Variants in ARHGEF3 observed in about 807,000 individuals in gnomAD.
ARHGEF3 encodes Rho guanine nucleotide exchange factor 3, also known as 59.8 kDA protein.
ARHGEF3 carries 28 observed loss-of-function variants against 63.2 expected under a neutral mutation model. That is an observed-to-expected ratio of 0.44 (90% CI 0.33 to 0.61). The LOEUF is 0.61. Ranked by LOEUF, ARHGEF3 falls within the 20% of genes least tolerant of loss-of-function variation. ARHGEF3 has a pLI of 0.03. For synonymous variants in ARHGEF3, 266 were observed against 254.2 expected (o/e 1.05, Z -0.44); for missense variants, 533 against 659.3 (o/e 0.81, Z 2.10).
chr3:56,908,043 G>C (rs756124955), intron 3 of ARHGEF3, among the ~76,000 whole-genome samples: 8 of 152,250 alleles, frequency 5.3e-5, no homozygotes, highest in African/African-American at 1.9e-4. Flanking sequence ...AGTTATCATT[G>C]CTACAAAGAA....
intron 2 of ARHGEF3, among the ~76,000 whole-genome samples, chr3:56,966,848 T>TA (rs1022302442): frequency 7.0e-6 from 1 of 142,698 alleles, no homozygotes; most frequent in Non-Finnish European, 1.5e-5. Flanking sequence ...TTTTTTTTTT[T>TA]AATTATTATT....
At chr3:57,074,370 T>G in intron 1 of ARHGEF3, 1 of 979,180 alleles carries the variant, frequency 1.0e-6, no homozygotes, top group Non-Finnish European at 1.6e-6. Context: ...CAGGGGTGAC[T>G]CGTAGCCATC....
At chr3:57,061,880 GA>G (rs1705240351) in intron 1 of ARHGEF3, among the ~76,000 whole-genome samples, 1 of 152,192 alleles carries the variant, frequency 6.6e-6, no homozygotes, top group Non-Finnish European at 1.5e-5. Flanking sequence ...CTCCTTCTCA[GA>G]TGGCAGCATC....
At chr3:56,967,322 ATATATTATATATTG>A (rs1335800490) in intron 2 of ARHGEF3, among the ~76,000 whole-genome samples, 11 of 56,292 alleles carry the variant, frequency 2.0e-4, no homozygotes, top group South Asian at 1.7e-3. Flanking sequence ...ATTATATATT[ATATATTATATATTG>A]TACATATCAT....
At chr3:56,820,970 A>G (rs113285802) in intron 4 of ARHGEF3, among the ~76,000 whole-genome samples, 87 of 150,418 alleles carry the variant, frequency 5.8e-4, no homozygotes, top group African/African-American at 2.1e-3. Flanking sequence ...CCTGGGCAGC[A>G]TGGTGAAACT....
At chr3:56,823,832 C>A in intron 4 of ARHGEF3, among the ~76,000 whole-genome samples, 1 of 152,008 alleles carries the variant, frequency 6.6e-6, no homozygotes. Context: ...TGAGCCAAAC[C>A]ACATGACCAT....
At chr3:56,835,388 C>T (rs1559979486) in intron 4 of ARHGEF3, among the ~76,000 whole-genome samples, 1 of 152,040 alleles carries the variant, frequency 6.6e-6, no homozygotes, top group Admixed American at 6.6e-5. Context: ...GTTGGCCAAG[C>T]TGGTCTCGAA....
At chr3:56,869,455 G>A (rs1197379419) in intron 4 of ARHGEF3, among the ~76,000 whole-genome samples, 1 of 152,196 alleles carries the variant, frequency 6.6e-6, no homozygotes, top group Non-Finnish European at 1.5e-5. Context: ...CAAACCACGA[G>A]AATTCTCCTG....
chr3:56,826,023 T>A (rs768602215), intron 4 of ARHGEF3, among the ~76,000 whole-genome samples: 8 of 152,236 alleles, frequency 5.3e-5, no homozygotes, highest in Non-Finnish European at 8.8e-5. Context: ...AGGCTTGGGA[T>A]TTTTGCAAGA....
At chr3:56,931,342 G>A (rs143171455) in intron 3 of ARHGEF3, among the ~76,000 whole-genome samples, 2 of 151,994 alleles carry the variant, frequency 1.3e-5, no homozygotes, top group African/African-American at 2.4e-5. Flanking sequence ...TTGGGAGGCC[G>A]AGACAGGCAG....
chr3:56,957,412 T>C (rs192634746), intron 3 of ARHGEF3, among the ~76,000 whole-genome samples: 5 of 152,332 alleles, frequency 3.3e-5, no homozygotes, highest in Admixed American at 3.3e-4. Flanking sequence ...TGTGGATGGA[T>C]GCAAGAAAAG....
In ARHGEF3 at chr3:56,980,453, C is replaced by T. The variant is rs904118957; in HGVS notation, c.63-21564G>A. 3.9e-5 allele frequency among the ~76,000 whole-genome samples: 6 copies of T among 152,194 alleles called. No homozygotes were observed. The South Asian group carries it at 6.2e-4, about 16-fold the overall frequency. ...TTCTCCTGGATACGTGTCACTCTCA[C>T]ACCATCAGAAAGGCTAAAAACTGTA... On this transcript the variant is annotated intron_variant, in intron 2 of 12. Coordinates refer to the ARHGEF3 transcript ENST00000338458.
intron 1 of ARHGEF3, chr3:57,035,265 A>G (rs1703904601): frequency 1.5e-6 from 1 of 688,846 alleles, no homozygotes; most frequent in Admixed American, 3.4e-5. Context: ...TACAAGGGGA[A>G]TATATCAAGG....
intron 3 of ARHGEF3, among the ~76,000 whole-genome samples, chr3:56,914,173 A>G (rs1323230663): frequency 6.6e-6 from 1 of 152,254 alleles, no homozygotes; most frequent in Non-Finnish European, 1.5e-5. Context: ...AATAGGTTGC[A>G]GTGTATGCTG....
At chr3:57,069,350 T>C (rs1018596753) in intron 1 of ARHGEF3, among the ~76,000 whole-genome samples, 8 of 149,652 alleles carry the variant, frequency 5.3e-5, no homozygotes, top group African/African-American at 1.7e-4. Flanking sequence ...ACAACTGCAA[T>C]AAATAACTCT....
At chr3:56,869,692 A>G (rs985525686) in intron 4 of ARHGEF3, among the ~76,000 whole-genome samples, 1 of 152,258 alleles carries the variant, frequency 6.6e-6, no homozygotes, top group Non-Finnish European at 1.5e-5. Flanking sequence ...GAGGCTTGAT[A>G]TAATTACATA....
chr3:56,890,317 G>A (rs1022129479), intron 3 of ARHGEF3, among the ~76,000 whole-genome samples: 4 of 152,162 alleles, frequency 2.6e-5, no homozygotes, highest in Non-Finnish European at 5.9e-5. Flanking sequence ...TATGGGATAC[G>A]TCAGTGTCTA....
intron 3 of ARHGEF3, among the ~76,000 whole-genome samples, chr3:56,891,308 G>A (rs184262540): frequency 1.2e-3 from 180 of 149,480 alleles, no homozygotes; most frequent in African/African-American, 3.1e-3. Context: ...GTGACCCACC[G>A]TGCCTGGCCC....
chr3:56,860,986 C>T (rs968628891), intron 4 of ARHGEF3, among the ~76,000 whole-genome samples: 30 of 152,100 alleles, frequency 2.0e-4, no homozygotes, highest in Admixed American at 1.8e-3. Context: ...AAAGGCAATG[C>T]GGCAGAAATA....
Sources: gnomAD v4.1 joint callset for allele counts (sites outside exome capture counted in the v4.1 genomes callset) on GRCh38, gnomAD v4.1.1 for gene constraint, MANE v1.5 for transcripts, NCBI Gene and HGNC (gene_info 2026-07-23, HGNC 2026-07-21) for gene names.